LRRC4C: variants seen among roughly 807,000 people sequenced by gnomAD.
LRRC4C encodes leucine-rich repeat-containing protein 4C.
Under a neutral mutation model 33.6 loss-of-function variants are expected in LRRC4C, and 5 were observed. That is an observed-to-expected ratio of 0.15 (90% confidence interval 0.08 to 0.31). LRRC4C has a LOEUF of 0.31. Among genes scored for constraint, LRRC4C ranks in the 10% least tolerant of loss-of-function variants. LRRC4C has a pLI of 1.00. For missense variants in LRRC4C, 560 were observed against 796.7 expected, an observed-to-expected ratio of 0.70 and a Z score of 3.58; for synonymous variants, 329 against 302.0, an observed-to-expected ratio of 1.09 and a Z score of -0.93.
intron 4 of LRRC4C, among the ~76,000 whole-genome samples, chr11:40,284,518 G>A (rs1321884672): frequency 6.6e-6 from 1 of 152,112 alleles, no homozygotes; most frequent in African/African-American, 2.4e-5. Context: ...AGGATGTTCA[G>A]CATTACTTGT....
chr11:41,120,280 A>C (rs1296165917), intron 1 of LRRC4C, among the ~76,000 whole-genome samples: 3 of 152,186 alleles, frequency 2.0e-5, no homozygotes, highest in African/African-American at 7.2e-5. Flanking sequence ...ACCTGCCAAA[A>C]AACCATCTGT....
At chr11:41,192,562 A>G (rs1946004760) in intron 1 of LRRC4C, among the ~76,000 whole-genome samples, 1 of 152,080 alleles carries the variant, frequency 6.6e-6, no homozygotes, top group South Asian at 2.1e-4. Context: ...AATAAGAAAA[A>G]AGAAAAGAAA....
At chr11:40,700,946 T>C (rs925488099) in intron 2 of LRRC4C, among the ~76,000 whole-genome samples, 1 of 152,148 alleles carries the variant, frequency 6.6e-6, no homozygotes, top group Non-Finnish European at 1.5e-5. Flanking sequence ...TCCAACTCAC[T>C]CCCCTCAAAG....
intron 1 of LRRC4C, among the ~76,000 whole-genome samples, chr11:40,936,066 A>ATATATC (rs57615456): frequency 1.2e-5 from 1 of 80,796 alleles, no homozygotes; most frequent in African/African-American, 3.7e-5. Context: ...ATATATATAT[A>ATATATC]ACATAGTTTG....
At position 40,514,131 on chromosome 11, in the gene LRRC4C, G is replaced by A. The variant is rs547518416; in HGVS notation, c.-270+134011C>T. ...CCAGCAAAACTATGTGATCCTTACA[G>A]TAGAGTGACAAAGACCTGGGTTCAA... On this transcript the variant is annotated intron_variant, in intron 3 of 6. Transcript: ENST00000528697. 5.3e-5 allele frequency among the ~76,000 whole-genome samples: 8 copies of A among 152,242 alleles called. No individual in the cohort carries two copies. In the South Asian group the frequency reaches 1.7e-3, roughly 32 times the overall value.
intron 1 of LRRC4C, among the ~76,000 whole-genome samples, chr11:41,081,541 C>T (rs534737226): frequency 6.6e-5 from 10 of 152,150 alleles, no homozygotes; most frequent in Middle Eastern, 6.8e-3. Flanking sequence ...CAGCAGGTCC[C>T]ATATGTTAAG....
chr11:41,319,109 A>G (rs1204599774), intron 1 of LRRC4C, among the ~76,000 whole-genome samples: 1 of 152,208 alleles, frequency 6.6e-6, no homozygotes, highest in Non-Finnish European at 1.5e-5. Flanking sequence ...CTTGTCTGAC[A>G]GCATGCAAAT....
intron 3 of LRRC4C, among the ~76,000 whole-genome samples, chr11:40,400,200 A>G (rs1419017155): frequency 6.6e-6 from 1 of 152,086 alleles, no homozygotes; most frequent in Non-Finnish European, 1.5e-5. Flanking sequence ...TATCCATGGC[A>G]CACACAGAGG....
At chr11:41,413,319 T>C (rs540139589) in intron 1 of LRRC4C, among the ~76,000 whole-genome samples, 3 of 152,216 alleles carry the variant, frequency 2.0e-5, no homozygotes, top group Non-Finnish European at 2.9e-5. Context: ...TTTTACTTTT[T>C]TGTAAAGTAG....
rs569417463 is a variant in LRRC4C at position 40,938,678 on chromosome 11, A to T, written c.-495-4955T>A. 1.2e-4 allele frequency among the ~76,000 whole-genome samples: 19 copies of T among 152,302 alleles called. No individual in the cohort carries two copies. The South Asian group carries it at 3.5e-3, about 28-fold the overall frequency. On this transcript the variant is annotated intron_variant, in intron 1 of 6. Coordinates refer to ENST00000528697, the MANE Select transcript of LRRC4C (RefSeq NM_001258419.2). ...CACTAAGGCACAAGGTAGTGAAGTGATTGGTCCAGGTCATAGCTGAATAAC... is the reference window on the plus strand; with the variant it reads ...CACTAAGGCACAAGGTAGTGAAGTGTTTGGTCCAGGTCATAGCTGAATAAC...
chr11:41,077,192 T>A (rs117258785), intron 1 of LRRC4C, among the ~76,000 whole-genome samples: 1,823 of 152,274 alleles, frequency 0.012, 23 homozygotes, highest in Non-Finnish European at 0.02. Flanking sequence ...AAGCAGTCAG[T>A]GGATCTAGCA....
At chr11:40,132,215 G>A (rs11035708) in intron 6 of LRRC4C, among the ~76,000 whole-genome samples, 10,595 of 152,146 alleles carry the variant, frequency 0.07, 982 homozygotes, top group African/African-American at 0.21. Flanking sequence ...AATTTCTTAC[G>A]TGTTTAGCAA....
rs765252333 is a variant in LRRC4C, at chr11:40,898,353, CA to C, written c.-407+35281del. On this transcript the variant is annotated intron_variant, in intron 2 of 6. Transcript: ENST00000528697. ...GGGCAACAAGAGTGAAACTCCATCTCAAAAAAAAAAAAAAAAAAAGAAAAAA... is the reference window on the plus strand; with the variant it reads ...GGGCAACAAGAGTGAAACTCCATCTCAAAAAAAAAAAAAAAAAAGAAAAAA... Among the ~76,000 whole-genome samples the C allele has an allele frequency of 8.6e-4, 33 of 38,374 alleles. 1 individual carries two copies. The highest frequency in any genetic ancestry group is 3.0e-3 in the African/African-American group (29 of 9,596). 25.2% of individuals were successfully genotyped at this position (38,374 alleles called of 152,430 possible).
chr11:40,242,613 A>G (rs1308155030), intron 4 of LRRC4C, among the ~76,000 whole-genome samples: 1 of 152,180 alleles, frequency 6.6e-6, no homozygotes, highest in Non-Finnish European at 1.5e-5. Context: ...CCAATCATTA[A>G]ATCAGAGGTT....
intron 4 of LRRC4C, among the ~76,000 whole-genome samples, chr11:40,314,814 A>G (rs545477314): frequency 6.6e-6 from 1 of 152,214 alleles, no homozygotes; most frequent in African/African-American, 2.4e-5. Context: ...GTTAAATACC[A>G]CATGTTCTCA....
chr11:40,376,932 A>G (rs773751389), intron 3 of LRRC4C, among the ~76,000 whole-genome samples: 1 of 152,178 alleles, frequency 6.6e-6, no homozygotes, highest in Non-Finnish European at 1.5e-5. Flanking sequence ...TCCAACTCAT[A>G]TATCATGTTG....
chr11:40,824,518 T>G (rs1952075922), intron 2 of LRRC4C, among the ~76,000 whole-genome samples: 1 of 151,918 alleles, frequency 6.6e-6, no homozygotes, highest in African/African-American at 2.4e-5. Flanking sequence ...GATTCACGTT[T>G]CCACTACTAG....
At chr11:40,204,136 A>C (rs758768116) in intron 5 of LRRC4C, among the ~76,000 whole-genome samples, 2 of 151,926 alleles carry the variant, frequency 1.3e-5, no homozygotes, top group Non-Finnish European at 2.9e-5. Flanking sequence ...CATGTTACTT[A>C]CCCAGGCTGG....
At chr11:41,130,384 T>A (rs917037835) in intron 1 of LRRC4C, among the ~76,000 whole-genome samples, 1 of 151,948 alleles carries the variant, frequency 6.6e-6, no homozygotes, top group Non-Finnish European at 1.5e-5. Context: ...TTTTAATTCA[T>A]CTTGAGCAAG....
Sources: gnomAD v4.1 joint callset for allele counts (sites outside exome capture counted in the v4.1 genomes callset) on GRCh38, gnomAD v4.1.1 for gene constraint, MANE v1.5 for transcripts, NCBI Gene and HGNC (gene_info 2026-07-23, HGNC 2026-07-21) for gene names.